CREBRF: variants seen among roughly 807,000 people sequenced by gnomAD.
CREBRF encodes UPF0474 protein C5orf41.
A neutral mutation model predicts 66.1 loss-of-function variants in CREBRF; 5 were observed. The observed-to-expected ratio is 0.08, with a 90% CI of 0.04 to 0.16. The LOEUF is 0.16. Ranked by LOEUF, CREBRF falls within the 10% of genes least tolerant of loss-of-function variation. CREBRF has a pLI of 1.00. For missense variants in CREBRF, 531 were observed against 744.9 expected (o/e 0.71, Z 3.34); for synonymous variants, 229 against 264.4 (o/e 0.87, Z 1.30).
Position 173,108,613 on chromosome 5 carries a change from C to A in CREBRF, c.1223-11C>A, listed in dbSNP as rs2113770125. ...TTATGGAGCTTAAAAATTGCGGGAC[C>A]TTTTTTTAAGGCTATGAAAATGATT... On this transcript the variant is annotated splice_polypyrimidine_tract_variant and intron_variant, in intron 4 of 8. Transcript: ENST00000296953. The A allele has an allele frequency of 6.3e-7, 1 of 1,594,796 alleles. No homozygotes were observed. The highest frequency in any genetic ancestry group is 2.2e-5 in the East Asian group (1 of 44,576).
intron 2 of CREBRF, 114 bp from the exon 3 acceptor site, chr5:173,086,387 A>C (rs1207527081): frequency 4.2e-6 from 4 of 947,692 alleles, no homozygotes; most frequent in Non-Finnish European, 6.4e-6. Context: ...AAAGTATAGA[A>C]ATGTTTTCTG....
chr5:173,064,788 T>A (rs1003368943), intron 1 of CREBRF, among the ~76,000 whole-genome samples: 1 of 152,096 alleles, frequency 6.6e-6, no homozygotes, highest in African/African-American at 2.4e-5. Flanking sequence ...GGTCTTGAAC[T>A]CCCCACCCCA....
chr5:173,136,834 G>A lies in CREBRF; in HGVS notation c.*3089G>A, dbSNP rs917161258. On this transcript the variant is annotated 3_prime_UTR_variant, in exon 9 of 9. Coordinates refer to ENST00000296953, the MANE Select transcript of CREBRF (RefSeq NM_153607.3). ...TAAAGGTTTTCTGTGTTCATACATG[G>A]TATACAGATAGCTCATAATGAAGTC... 6.6e-6 allele frequency: 1 copy of A among 152,182 alleles called. No individual in the cohort carries two copies. Among genetic ancestry groups the A allele is most frequent in the African/African-American group, 2.4e-5 (1 of 41,346 alleles). 9.4% of individuals were successfully genotyped at this position (152,182 alleles called of 1,614,324 possible).
intron 4 of CREBRF, among the ~76,000 whole-genome samples, chr5:173,103,766 T>C (rs1013437923): frequency 2.0e-5 from 3 of 152,236 alleles, no homozygotes; most frequent in African/African-American, 7.2e-5. Flanking sequence ...AAGAATGGGC[T>C]CACAGAATGA....
chr5:173,087,891 T>C (rs1417432236), intron 3 of CREBRF, among the ~76,000 whole-genome samples: 1 of 152,048 alleles, frequency 6.6e-6, no homozygotes, highest in East Asian at 1.9e-4. Context: ...TGGCACAGTC[T>C]CGGCTCACTG....
intron 4 of CREBRF, among the ~76,000 whole-genome samples, chr5:173,092,958 G>A (rs908581663): frequency 2.0e-5 from 3 of 152,142 alleles, no homozygotes; most frequent in Admixed American, 6.6e-5. Context: ...TTTTCTCTTG[G>A]CAAGTGAATA....
chr5:173,066,935 C>G (rs1757452998), intron 1 of CREBRF, among the ~76,000 whole-genome samples: 1 of 150,540 alleles, frequency 6.6e-6, no homozygotes, highest in African/African-American at 2.4e-5. Context: ...CTTCCTCAGC[C>G]TCACGAGTGT....
chr5:173,085,996 T>G, intron 2 of CREBRF: 2 of 1,497,052 alleles, frequency 1.3e-6, no homozygotes. Flanking sequence ...CATCTGTTTG[T>G]GGATAACTCA....
chr5:173,112,411 C>A (rs765560254), intron 7 of CREBRF, 32 bp downstream of exon 7: 40 of 1,389,538 alleles, frequency 2.9e-5, no homozygotes, highest in Middle Eastern at 3.6e-4. Flanking sequence ...GTTGATTAAC[C>A]ACCTATTGAT....
chr5:173,099,740 A>T (rs1230496767), intron 4 of CREBRF, among the ~76,000 whole-genome samples: 2 of 151,826 alleles, frequency 1.3e-5, no homozygotes, highest in African/African-American at 4.8e-5. Context: ...TGTGATTATC[A>T]TGGGGCTTAC....
chr5:173,067,858 G>A (rs895474372), intron 1 of CREBRF, among the ~76,000 whole-genome samples: 1 of 152,168 alleles, frequency 6.6e-6, no homozygotes, highest in South Asian at 2.1e-4. Context: ...AAATAAGCCG[G>A]GTGTGGTGGC....
intron 2 of CREBRF, among the ~76,000 whole-genome samples, chr5:173,084,212 A>G (rs1308486914): frequency 6.6e-6 from 1 of 152,186 alleles, no homozygotes; most frequent in East Asian, 1.9e-4. Flanking sequence ...TAGATCTAGG[A>G]AGTGGATCCT....
chr5:173,062,339 A>G (rs527720973), intron 1 of CREBRF, among the ~76,000 whole-genome samples: 1 of 152,276 alleles, frequency 6.6e-6, no homozygotes, highest in African/African-American at 2.4e-5. Flanking sequence ...GAACTGTTTA[A>G]ATGAATGCAT....
intron 2 of CREBRF, among the ~76,000 whole-genome samples, chr5:173,081,088 C>A (rs1210419625): frequency 2.6e-5 from 4 of 152,112 alleles, no homozygotes; most frequent in Non-Finnish European, 4.4e-5. Context: ...CACAGCAATC[C>A]CGTTTCTATC....
intron 5 of CREBRF, chr5:173,110,289 G>C: frequency 1.7e-6 from 1 of 602,088 alleles, no homozygotes; most frequent in South Asian, 1.6e-5. Flanking sequence ...GAAGAACTTG[G>C]AAAAAGTTAG....
intron 2 of CREBRF, among the ~76,000 whole-genome samples, chr5:173,082,632 T>G (rs1757991292): frequency 6.6e-6 from 1 of 151,168 alleles, no homozygotes; most frequent in Non-Finnish European, 1.5e-5. Context: ...TTTGGCCAGT[T>G]GGCAGTGGCT....
intron 1 of CREBRF, among the ~76,000 whole-genome samples, chr5:173,067,049 G>A (rs1157283096): frequency 6.6e-6 from 1 of 152,068 alleles, no homozygotes; most frequent in South Asian, 2.1e-4. Context: ...TTGGTTGCAA[G>A]CAGTCCTCCT....
At chr5:173,085,029 A>G (rs1180800156) in intron 2 of CREBRF, among the ~76,000 whole-genome samples, 1 of 151,590 alleles carries the variant, frequency 6.6e-6, no homozygotes, top group Admixed American at 6.6e-5. Context: ...TGCAGCCTCC[A>G]CCTCCTGGGT....
intron 8 of CREBRF, among the ~76,000 whole-genome samples, chr5:173,130,724 T>C (rs900212589): frequency 6.6e-6 from 1 of 152,030 alleles, no homozygotes; most frequent in African/African-American, 2.4e-5. Context: ...TTATTTTTAT[T>C]TTTGAAATGG....
Sources: gnomAD v4.1 joint callset for allele counts (sites outside exome capture counted in the v4.1 genomes callset) on GRCh38, gnomAD v4.1.1 for gene constraint, MANE v1.5 for transcripts, NCBI Gene and HGNC (gene_info 2026-07-23, HGNC 2026-07-21) for gene names.